The following FOXD2 variants were observed in gnomAD, a reference collection of about 807,000 sequenced individuals.
FOXD2 encodes forkhead box D2.
Under a neutral mutation model 6.4 loss-of-function variants are expected in FOXD2, and 4 were observed. The ratio of observed to expected loss-of-function variants is 0.62; its 90% CI spans 0.31 to 1.42. The LOEUF (loss-of-function observed/expected upper bound fraction) is 1.42, where lower values mean the gene tolerates loss of function less well. FOXD2 is among the 40% of genes most tolerant of loss of function. The pLI is 0.08. For synonymous variants in FOXD2, 393 were observed against 373.6 expected (o/e 1.05, Z -0.60); for missense variants, 709 against 766.8 (o/e 0.92, Z 0.89).
chr1:47,440,010 T>G lies in FOXD2; in HGVS notation c.*387T>G. ...CAACAGAGGGTCTCCCTTTCTGCCT[T>G]TCCCCTCTCACTTCTTCCCCAACGT... On this transcript the variant is annotated 3_prime_UTR_variant, in exon 1 of 1. Coordinates refer to ENST00000334793, the MANE Select transcript of FOXD2 (RefSeq NM_004474.4). The G allele has an allele frequency of 4.7e-6, 1 of 214,304 alleles. No individual in the cohort carries two copies. Among genetic ancestry groups the G allele is most frequent in the Non-Finnish European group, 1.0e-5 (1 of 99,692 alleles). The allele number at this position is 214,304 out of a possible 1,614,324, so 13.3% of individuals were successfully genotyped here. A position where few individuals can be genotyped will look rare whatever the true frequency, so the allele number is the denominator to read the frequency against.
rs1232327975 is a variant in FOXD2, at chr1:47,438,643, G to A, written c.508G>A (p.Ala170Thr). ...CCCCTACTACCGGGAGAAGTTCCCC[G>A]CCTGGCAGAACAGCATCCGCCACAA... ...RFPYYREKFPAWQNSIRHNLS... is the reference protein window; with the variant it reads ...RFPYYREKFPTWQNSIRHNLS... The change falls in exon 1 of 1, where the codon GCC (alanine) becomes ACC (threonine). Residue 170 changes from alanine (A) to threonine (T), a missense_variant. Around this residue, in one of 5 missense-constraint regions of FOXD2, gnomAD observed 69 missense variants for 145.6 expected, o/e 0.47. Coordinates refer to ENST00000334793, the MANE Select transcript of FOXD2 (RefSeq NM_004474.4). The A allele has an allele frequency of 8.1e-6, 13 of 1,613,948 alleles. No homozygotes were observed. Among genetic ancestry groups the A allele is most frequent in the Non-Finnish European group, 1.1e-5 (13 of 1,179,954 alleles).
In FOXD2 at chr1:47,438,078, A is replaced by G; in HGVS notation, c.-58A>G. On this transcript the variant is annotated 5_prime_UTR_variant, in exon 1 of 1. Transcript: ENST00000334793. ...ACTCGCCCCAGAGGCAGCGCGGCCG[A>G]GCCCGAGCCGCTGCCGGAGCGGAGC... is the stretch of plus-strand genomic sequence containing the variant. The G allele has an allele frequency of 7.6e-7, 1 of 1,320,976 alleles. No homozygotes were observed. The highest frequency in any genetic ancestry group is 2.0e-5 in the South Asian group (1 of 49,838). The allele number at this position is 1,320,976 out of a possible 1,614,324, so 81.8% of individuals were successfully genotyped here.
rs138581970 is a variant in FOXD2, at chr1:47,439,866, G to T, written c.*243G>T. On this transcript the variant is annotated 3_prime_UTR_variant, in exon 1 of 1. Coordinates refer to ENST00000334793, the MANE Select transcript of FOXD2 (RefSeq NM_004474.4). ...AAGTCGCAGGCCAAGATTCTTTACA[G>T]TTTGAGAAATAAAAGCAGGGGGGTG... 413 of 491,482 alleles carry T rather than the reference G, an allele frequency of 8.4e-4. 7 individuals carry two copies. The East Asian group carries it at 0.015, about 18-fold the overall frequency. The allele number at this position is 491,482 out of a possible 1,614,324, so 30.4% of individuals were successfully genotyped here. A position where few individuals can be genotyped will look rare whatever the true frequency, so the allele number is the denominator to read the frequency against.
In FOXD2 at chr1:47,439,994, G is replaced by T. The variant is rs1646999003; in HGVS notation, c.*371G>T. 4.2e-6 allele frequency: 1 copy of T among 239,308 alleles called. No individual in the cohort carries two copies. Among genetic ancestry groups the T allele is most frequent in the Non-Finnish European group, 8.6e-6 (1 of 115,664 alleles). 14.8% of individuals were successfully genotyped at this position (239,308 alleles called of 1,614,324 possible). A position where few individuals can be genotyped will look rare whatever the true frequency, so the allele number is the denominator to read the frequency against. On this transcript the variant is annotated 3_prime_UTR_variant, in exon 1 of 1. Transcript: ENST00000334793. ...ATCCCGCCAGAAACACCAACAGAGG[G>T]TCTCCCTTTCTGCCTTTCCCCTCTC...
chr1:47,439,436 C>T lies in FOXD2; in HGVS notation c.1301C>T (p.Ser434Phe), dbSNP rs761226856. The T allele has an allele frequency of 6.5e-7, 1 of 1,542,008 alleles. No individual in the cohort carries two copies. Among genetic ancestry groups the T allele is most frequent in the South Asian group, 1.2e-5 (1 of 84,386 alleles). Residue 434 changes from serine to phenylalanine, a missense_variant, in exon 1 of 1, where the codon TCT becomes TTT. Physicochemically the swap from Ser to Phe is radical, Grantham distance 155. This residue lies in a region of FOXD2 where 322 missense variants were observed against 313.8 expected (regional missense o/e 1.03). Coordinates refer to ENST00000334793, the MANE Select transcript of FOXD2 (RefSeq NM_004474.4). ...GAAPPGAGEG[S>F]PGPPFAAAAG... ...GCACCCCCGGGCGCCGGCGAGGGCT[C>T]TCCGGGACCGCCATTCGCGGCAGCC...
In FOXD2 at chr1:47,439,551, C is replaced by T. The variant is rs1056462782; in HGVS notation, c.1416C>T (p.Pro472=). 1.3e-6 allele frequency: 2 copies of T among 1,554,510 alleles called. No individual in the cohort carries two copies. The highest frequency in any genetic ancestry group is 1.4e-5 in the African/African-American group (1 of 73,428). Reference sequence around the variant, plus strand: ...CTGGCCACATTCGCCTCTCGCATCCCGGGGACGCGCTGCTGTCCTCAGGGT... The same window carrying T: ...CTGGCCACATTCGCCTCTCGCATCCTGGGGACGCGCTGCTGTCCTCAGGGT... ...PVAGHIRLSH[P]GDALLSSGSR... is the part of the protein sequence containing the mutation. The change falls in exon 1 of 1, where the codon CCC becomes CCT. Residue 472 remains proline (P), a synonymous_variant. Transcript: ENST00000334793.
chr1:47,438,871 G>A lies in FOXD2; in HGVS notation c.736G>A (p.Gly246Arg), dbSNP rs1446853058. The A allele has an allele frequency of 1.9e-6, 3 of 1,589,144 alleles. No homozygotes were observed. The highest frequency in any genetic ancestry group is 1.1e-5 in the South Asian group (1 of 89,194). Residue 246 changes from glycine to arginine, a missense_variant, in exon 1 of 1, where the codon GGG (glycine) becomes AGG (arginine). Physicochemically the swap from Gly to Arg is moderately radical, Grantham distance 125. Coordinates refer to ENST00000334793, the MANE Select transcript of FOXD2 (RefSeq NM_004474.4). ...HPHPELLLRGGAAAAGDPGAF... is the reference protein window; with the variant it reads ...HPHPELLLRGRAAAAGDPGAF... ...TCACCCGGAGCTGCTGCTGCGTGGCGGGGCCGCGGCGGCGGGGGATCCCGG... is the reference window on the plus strand; with the variant it reads ...TCACCCGGAGCTGCTGCTGCGTGGCAGGGCCGCGGCGGCGGGGGATCCCGG...
Position 47,439,156 on chromosome 1 carries a change from T to TCAGGCTCGGGCC in FOXD2, c.1023_1034dup (p.Ser343_Gly346dup). 6.9e-7 allele frequency: 1 copy of TCAGGCTCGGGCC among 1,453,802 alleles called. No homozygotes were observed. The highest frequency in any genetic ancestry group is 9.0e-7 in the Non-Finnish European group (1 of 1,109,578). The allele number at this position is 1,453,802 out of a possible 1,614,324, so 90.1% of individuals were successfully genotyped here. ...ATCGGCCCCAGCTCCTGCGCCTGCC[T>TCAGGCTCGGGCC]CAGGCTCGGGCCCGGGCCCGGGCCC... On this transcript the variant is annotated inframe_insertion, in exon 1 of 1. Coordinates refer to ENST00000334793, the MANE Select transcript of FOXD2 (RefSeq NM_004474.4).
At position 47,438,301 on chromosome 1, in the gene FOXD2, C is replaced by G. The variant is rs1383309297; in HGVS notation, c.166C>G (p.His56Asp). The change falls in exon 1 of 1, where the codon CAC becomes GAC. Residue 56 changes from histidine (H) to aspartate (D), a missense_variant. His to Asp is a moderately conservative substitution (Grantham distance 81). Coordinates refer to ENST00000334793, the MANE Select transcript of FOXD2 (RefSeq NM_004474.4). ...RAPRDVLPHGHEPPAEEAEAD... is the reference protein window; with the variant it reads ...RAPRDVLPHGDEPPAEEAEAD... Reference sequence around the variant, plus strand: ...CCCCCGGGACGTGCTCCCCCACGGCCACGAGCCTCCCGCGGAGGAAGCCGA... The same window carrying G: ...CCCCCGGGACGTGCTCCCCCACGGCGACGAGCCTCCCGCGGAGGAAGCCGA... 1.5e-6 allele frequency: 2 copies of G among 1,311,380 alleles called. No homozygotes were observed. The highest frequency in any genetic ancestry group is 1.5e-5 in the African/African-American group (1 of 64,856). 81.2% of individuals were successfully genotyped at this position (1,311,380 alleles called of 1,614,324 possible). A position where few individuals can be genotyped will look rare whatever the true frequency, so the allele number is the denominator to read the frequency against.
rs1197870152 is a variant in FOXD2, at chr1:47,438,263, C to G, written c.128C>G (p.Ser43Cys). ...GSGGGELPAR[S>C]GPRAPRDVLP... ...GGCGGGGGGGAGCTCCCAGCTCGCT[C>G]CGGGCCCCGCGCCCCCCGGGACGTG... is the stretch of plus-strand genomic sequence containing the variant. Residue 43 changes from serine to cysteine, a missense_variant, in exon 1 of 1, where the codon TCC (serine) becomes TGC (cysteine). Coordinates refer to ENST00000334793, the MANE Select transcript of FOXD2 (RefSeq NM_004474.4). 2 of 1,363,690 alleles carry G rather than the reference C, an allele frequency of 1.5e-6. No individual in the cohort carries two copies. The highest frequency in any genetic ancestry group is 1.9e-6 in the Non-Finnish European group (2 of 1,062,508). The allele number at this position is 1,363,690 out of a possible 1,614,324, so 84.5% of individuals were successfully genotyped here.
At position 47,438,818 on chromosome 1, in the gene FOXD2, T is replaced by TGCC. The variant is rs768027208; in HGVS notation, c.692_694dup (p.Pro231dup). On this transcript the variant is annotated inframe_insertion, in exon 1 of 1. Transcript: ENST00000334793. ...CGCAAGCGCTTCAAGCGGCAGCCCC[T>TGCC]GCCGCCGCCGCACCCACACCCGCAC... 3.2e-5 allele frequency: 52 copies of TGCC among 1,611,472 alleles called. No homozygotes were observed. In the African/African-American group the frequency reaches 4.8e-4, roughly 15 times the overall value.
rs1488148625 is a variant in FOXD2, at chr1:47,438,827, C to T, written c.692C>T (p.Pro231Leu). Residue 231 changes from proline (P) to leucine (L), a missense_variant, in exon 1 of 1, where the codon CCG becomes CTG. By Grantham distance (98) the Pro-to-Leu change is moderately conservative. This residue lies in a region of FOXD2 where 98 missense variants were observed against 91.0 expected (regional missense o/e 1.08). Coordinates refer to ENST00000334793, the MANE Select transcript of FOXD2 (RefSeq NM_004474.4). The part of the protein sequence containing the change: ...KRFKRQPLPP[P>L]HPHPHPHPEL... ...TTCAAGCGGCAGCCCCTGCCGCCGCCGCACCCACACCCGCACCCTCACCCG... is the reference window on the plus strand; with the variant it reads ...TTCAAGCGGCAGCCCCTGCCGCCGCTGCACCCACACCCGCACCCTCACCCG... 1.9e-6 allele frequency: 3 copies of T among 1,611,558 alleles called. No homozygotes were observed. The highest frequency in any genetic ancestry group is 2.5e-6 in the Non-Finnish European group (3 of 1,179,368).
At position 47,439,933 on chromosome 1, in the gene FOXD2, C is replaced by T; in HGVS notation, c.*310C>T. 1 of 368,258 alleles carries T rather than the reference C, an allele frequency of 2.7e-6. No homozygotes were observed. 22.8% of individuals were successfully genotyped at this position (368,258 alleles called of 1,614,324 possible). ...CCCTGCCTCTGCGCCTCTCGGGGAA[C>T]ACATTCCGGGAGAGATGCCTGGCCA... On this transcript the variant is annotated 3_prime_UTR_variant, in exon 1 of 1. Coordinates refer to ENST00000334793, the MANE Select transcript of FOXD2 (RefSeq NM_004474.4).
Position 47,439,709 on chromosome 1 carries a change from A to G in FOXD2, c.*86A>G, listed in dbSNP as rs550719361. 30 of 1,291,400 alleles carry G rather than the reference A, an allele frequency of 2.3e-5. No individual in the cohort carries two copies. Among genetic ancestry groups the G allele is most frequent in the South Asian group, 2.0e-4 (15 of 73,376 alleles). The allele number at this position is 1,291,400 out of a possible 1,614,324, so 80.0% of individuals were successfully genotyped here. A position where few individuals can be genotyped will look rare whatever the true frequency, so the allele number is the denominator to read the frequency against. On this transcript the variant is annotated 3_prime_UTR_variant, in exon 1 of 1. Transcript: ENST00000334793. ...GGTCCCAGCGGAACTCAGGGAGTCTATTTATGAAGTCTCCAGACCTTGGGC... is the reference window on the plus strand; with the variant it reads ...GGTCCCAGCGGAACTCAGGGAGTCTGTTTATGAAGTCTCCAGACCTTGGGC...
chr1:47,438,621 C>G lies in FOXD2; in HGVS notation c.486C>G (p.Pro162=), dbSNP rs1369681265. Residue 162 remains proline, a synonymous_variant, in exon 1 of 1, where the codon CCC becomes CCG. Transcript: ENST00000334793. ...GCGAGTTCATCAGCGGCCGCTTCCCCTACTACCGGGAGAAGTTCCCCGCCT... is the reference window on the plus strand; with the variant it reads ...GCGAGTTCATCAGCGGCCGCTTCCCGTACTACCGGGAGAAGTTCCCCGCCT... ...EICEFISGRF[P]YYREKFPAWQ... 4 of 1,613,986 alleles carry G rather than the reference C, an allele frequency of 2.5e-6. No homozygotes were observed. Among genetic ancestry groups the G allele is most frequent in the Non-Finnish European group, 3.4e-6 (4 of 1,179,972 alleles).
rs773408228 is a variant in FOXD2 at position 47,439,156 on chromosome 1, TCAGGCTCGGGCCCGGGCCCGGGCCCCG to T, written c.1027_1053del (p.Ser343_Gly351del). The T allele has an allele frequency of 2.8e-6, 4 of 1,453,698 alleles. No homozygotes were observed. The highest frequency in any genetic ancestry group is 3.6e-6 in the Non-Finnish European group (4 of 1,109,588). 90.0% of individuals were successfully genotyped at this position (1,453,698 alleles called of 1,614,324 possible). ...ATCGGCCCCAGCTCCTGCGCCTGCC[TCAGGCTCGGGCCCGGGCCCGGGCCCCG>T]CAGGCCTGCCCGCCTTCCTGGGCGC... On this transcript the variant is annotated inframe_deletion, in exon 1 of 1. Transcript: ENST00000334793.
Position 47,440,328 on chromosome 1 carries a change from G to A in FOXD2, c.*705G>A, listed in dbSNP as rs574633737. On this transcript the variant is annotated 3_prime_UTR_variant, in exon 1 of 1. Transcript: ENST00000334793. The stretch of plus-strand genomic sequence containing the variant: ...TTTCTTTCCTTTCCCTTGGCTGGCT[G>A]GGTCCAGCCATCTCCGGCCAGCAAC... The A allele has an allele frequency of 6.0e-6, 1 of 167,060 alleles. No individual in the cohort carries two copies. Among genetic ancestry groups the A allele is most frequent in the African/African-American group, 2.4e-5 (1 of 41,500 alleles). The allele number at this position is 167,060 out of a possible 1,614,324, so 10.3% of individuals were successfully genotyped here.
chr1:47,439,503 T>C lies in FOXD2; in HGVS notation c.1368T>C (p.Thr456=), dbSNP rs1478359142. 4 of 1,551,296 alleles carry C rather than the reference T, an allele frequency of 2.6e-6. No homozygotes were observed. Among genetic ancestry groups the C allele is most frequent in the South Asian group, 1.2e-5 (1 of 84,236 alleles). ...GGQAQVLAML[T]APALAPVAGH... Reference sequence around the variant, plus strand: ...AAGCCCAGGTCTTGGCCATGCTGACTGCTCCGGCCCTGGCTCCCGTTGCTG... The same window carrying C: ...AAGCCCAGGTCTTGGCCATGCTGACCGCTCCGGCCCTGGCTCCCGTTGCTG... The change falls in exon 1 of 1, where the codon ACT becomes ACC. Residue 456 remains threonine, a synonymous_variant. Coordinates refer to ENST00000334793, the MANE Select transcript of FOXD2 (RefSeq NM_004474.4).
chr1:47,438,834 A>ACACCCG lies in FOXD2; in HGVS notation c.705_710dup (p.His238_Pro239dup). 6.2e-7 allele frequency: 1 copy of ACACCCG among 1,610,200 alleles called. No individual in the cohort carries two copies. On this transcript the variant is annotated inframe_insertion, in exon 1 of 1. Coordinates refer to ENST00000334793, the MANE Select transcript of FOXD2 (RefSeq NM_004474.4). ...GGCAGCCCCTGCCGCCGCCGCACCCACACCCGCACCCTCACCCGGAGCTGC... is the reference window on the plus strand; with the variant it reads ...GGCAGCCCCTGCCGCCGCCGCACCCACACCCGCACCCGCACCCTCACCCGGAGCTGC...
Sources: gnomAD v4.1 joint callset for allele counts on GRCh38, gnomAD v4.1.1 for gene constraint, gnomAD v4.1.1 regional missense constraint, MANE v1.5 for transcripts, NCBI Gene and HGNC (gene_info 2026-07-23, HGNC 2026-07-21) for gene names.